Variants in OCA2 observed in about 807,000 individuals in gnomAD.
OCA2 encodes OCA2 melanosomal transmembrane protein, also known as P protein.
OCA2 carries 77 observed loss-of-function variants against 100.2 expected under a neutral mutation model. That is an observed-to-expected ratio of 0.77 (90% CI 0.64 to 0.93). OCA2 has a LOEUF of 0.93. OCA2 is among the 40% of genes least tolerant of loss of function. OCA2 has a pLI of 0.00. For missense variants in OCA2, 1,062 were observed against 1,089.1 expected (o/e 0.98, Z 0.35); for synonymous variants, 432 against 439.2 (o/e 0.98, Z 0.21).
intron 19 of OCA2, among the ~76,000 whole-genome samples, chr15:27,899,934 C>T (rs1408747364): frequency 1.3e-5 from 2 of 152,066 alleles, no homozygotes; most frequent in African/African-American, 2.4e-5. Flanking sequence ...CAATTTTTGC[C>T]CCCTGTCTTA....
chr15:27,855,510 C>T (rs1373387500), intron 21 of OCA2, among the ~76,000 whole-genome samples: 2 of 152,226 alleles, frequency 1.3e-5, no homozygotes, highest in Non-Finnish European at 2.9e-5. Flanking sequence ...GAGGCTTGGG[C>T]ATCTCTCCTC....
intron 23 of OCA2, among the ~76,000 whole-genome samples, chr15:27,833,500 C>T (rs1173093322): frequency 2.0e-5 from 3 of 152,196 alleles, no homozygotes; most frequent in African/African-American, 7.2e-5. Flanking sequence ...ACTCTTTAGT[C>T]CTTCTAAGTC....
chr15:27,791,123 A>AATT (rs1263349773), intron 23 of OCA2, among the ~76,000 whole-genome samples: 3 of 152,034 alleles, frequency 2.0e-5, no homozygotes, highest in East Asian at 3.9e-4. Flanking sequence ...TAGGATATGG[A>AATT]ATTTTTGTCA....
chr15:27,921,520 C>T (rs2038858277), intron 19 of OCA2, among the ~76,000 whole-genome samples: 1 of 152,034 alleles, frequency 6.6e-6, no homozygotes, highest in Non-Finnish European at 1.5e-5. Context: ...AGGAAAGATA[C>T]ACACAAACAC....
intron 15 of OCA2, among the ~76,000 whole-genome samples, chr15:27,963,553 T>C (rs995957115): frequency 2.0e-5 from 3 of 152,052 alleles, no homozygotes; most frequent in African/African-American, 7.2e-5. Context: ...AGATGCATTA[T>C]AAGATAATTT....
intron 2 of OCA2, among the ~76,000 whole-genome samples, chr15:28,076,204 T>C (rs892144790): frequency 2.0e-5 from 3 of 152,212 alleles, no homozygotes; most frequent in East Asian, 1.9e-4. Flanking sequence ...ACAGTAATGA[T>C]TGTGTTAGAG....
intron 22 of OCA2, among the ~76,000 whole-genome samples, chr15:27,846,737 TG>T (rs1416300096): frequency 6.6e-6 from 1 of 151,998 alleles, no homozygotes; most frequent in Non-Finnish European, 1.5e-5. Context: ...GAGGCTATTT[TG>T]GTCCTGAGCA....
chr15:27,805,444 C>T (rs1029788592), intron 23 of OCA2, among the ~76,000 whole-genome samples: 2 of 152,320 alleles, frequency 1.3e-5, no homozygotes, highest in South Asian at 2.1e-4. Context: ...GGCTGCACAC[C>T]GCGGGGACCC....
intron 19 of OCA2, among the ~76,000 whole-genome samples, chr15:27,898,128 T>G (rs1277482918): frequency 1.3e-5 from 2 of 152,242 alleles, no homozygotes; most frequent in Non-Finnish European, 2.9e-5. Flanking sequence ...GGACTTGCCT[T>G]GTCTCAGATG....
At chr15:27,849,547 A>AAAT in intron 22 of OCA2, among the ~76,000 whole-genome samples, 1 of 152,012 alleles carries the variant, frequency 6.6e-6, no homozygotes, top group South Asian at 2.1e-4. Context: ...AGTTAAAAAA[A>AAAT]AAAAAAGTTG....
At chr15:27,996,517 A>T (rs561971015) in intron 9 of OCA2, among the ~76,000 whole-genome samples, 24 of 152,070 alleles carry the variant, frequency 1.6e-4, no homozygotes, top group Non-Finnish European at 2.2e-4. Flanking sequence ...TAGAAAGACA[A>T]TTGAAGAGAT....
intron 23 of OCA2, among the ~76,000 whole-genome samples, chr15:27,776,022 C>G (rs1453983014): frequency 6.6e-6 from 1 of 152,248 alleles, no homozygotes; most frequent in Non-Finnish European, 1.5e-5. Flanking sequence ...TACCTCCTGG[C>G]CCACCTTCTT....
chr15:27,902,120 A>G (rs1025005129), intron 19 of OCA2, among the ~76,000 whole-genome samples: 1 of 152,202 alleles, frequency 6.6e-6, no homozygotes, highest in African/African-American at 2.4e-5. Context: ...TGCAGTCCTG[A>G]ACTACGGTGT....
chr15:27,995,999 G>A (rs1363135624), intron 9 of OCA2, among the ~76,000 whole-genome samples: 1 of 152,092 alleles, frequency 6.6e-6, no homozygotes, highest in South Asian at 2.1e-4. Flanking sequence ...TTTCAGTAGA[G>A]ACGGGGTTTC....
the OCA2 span, among the ~76,000 whole-genome samples, chr15:27,722,911 G>C: frequency 6.6e-6 from 1 of 150,550 alleles, no homozygotes; most frequent in Non-Finnish European, 1.5e-5. Context: ...GCGTGATCTT[G>C]ACTCTTTGCA....
intron 19 of OCA2, among the ~76,000 whole-genome samples, chr15:27,901,902 G>A (rs541170690): frequency 1.3e-4 from 20 of 152,314 alleles, no homozygotes; most frequent in African/African-American, 4.8e-4. Context: ...AGACTTCAGC[G>A]AGTTGTGCCC....
intron 19 of OCA2, among the ~76,000 whole-genome samples, chr15:27,888,177 C>T (rs1302039164): frequency 2.6e-5 from 4 of 152,182 alleles, no homozygotes; most frequent in Non-Finnish European, 5.9e-5. Context: ...TCCCTTCCAG[C>T]CCCCAAGGCA....
chr15:27,945,777 A>G (rs1237775784), intron 18 of OCA2, among the ~76,000 whole-genome samples: 1 of 152,158 alleles, frequency 6.6e-6, no homozygotes, highest in African/African-American at 2.4e-5. Flanking sequence ...CTAATCAAAC[A>G]CATCATGAGA....
intron 19 of OCA2, among the ~76,000 whole-genome samples, chr15:27,893,178 T>C (rs886845249): frequency 2.6e-5 from 4 of 152,198 alleles, no homozygotes; most frequent in African/African-American, 9.6e-5. Context: ...TTGTGAAGAT[T>C]TCATATTAAT....
Sources: gnomAD v4.1 joint callset for allele counts (sites outside exome capture counted in the v4.1 genomes callset) on GRCh38, gnomAD v4.1.1 for gene constraint, MANE v1.5 for transcripts, NCBI Gene and HGNC (gene_info 2026-07-23, HGNC 2026-07-21) for gene names.